Variants in ABCA4 observed in about 807,000 individuals in gnomAD.
ABCA4 encodes the protein retinal-specific phospholipid-transporting ATPase ABCA4.
In ABCA4, 196 loss-of-function variants were observed where a neutral mutation model predicts 263.7. That is an observed-to-expected ratio of 0.74 (90% CI 0.66 to 0.84). ABCA4 has a LOEUF of 0.84. Among genes scored for constraint, ABCA4 ranks in the 40% least tolerant of loss-of-function variants. ABCA4 has a pLI of 0.00. For missense variants in ABCA4, 2,792 were observed against 2,855.1 expected, an observed-to-expected ratio of 0.98 and a Z score of 0.50; for synonymous variants, 1,133 against 1,094.2, an observed-to-expected ratio of 1.04 and a Z score of -0.70.
intron 19 of ABCA4, chr1:94,045,985 C>A (rs1460581215): frequency 2.6e-5 from 12 of 455,636 alleles, no homozygotes; most frequent in Non-Finnish European, 4.0e-5. Flanking sequence ...CCGCGCAGAG[C>A]CCCTTTGCCT....
At chr1:94,031,404 G>A (rs1660198461) in intron 27 of ABCA4, among the ~76,000 whole-genome samples, 1 of 152,140 alleles carries the variant, frequency 6.6e-6, no homozygotes, top group African/African-American at 2.4e-5. Flanking sequence ...GTGACTCACT[G>A]TTCTTTAAAC....
At chr1:94,031,732 G>C in intron 27 of ABCA4, 46 bp downstream of exon 27, 1 of 1,611,332 alleles carries the variant, frequency 6.2e-7, no homozygotes, top group Non-Finnish European at 8.5e-7. Context: ...GGGAAGGCTG[G>C]GAGAGGAGCC....
At chr1:94,059,867 T>G (rs1253199145) in intron 14 of ABCA4, among the ~76,000 whole-genome samples, 2 of 152,194 alleles carry the variant, frequency 1.3e-5, no homozygotes, top group African/African-American at 4.8e-5. Context: ...AAATAATGTT[T>G]CATTTCCAAG....
Position 94,021,900 on chromosome 1 carries a change from C to T in ABCA4, c.4719G>A (p.Gly1573=). ...GGKLPVVPIT[G]EALVGFLSDL... ...CGCTTAAAAACCCAACAAGTGCTTCCCCCGTGATGGGGACGACTGGGAGCT... is the reference window on the plus strand; with the variant it reads ...CGCTTAAAAACCCAACAAGTGCTTCTCCCGTGATGGGGACGACTGGGAGCT... The change falls in exon 33 of 50, where the codon GGG becomes GGA. Residue 1573 remains glycine, a synonymous_variant. Transcript: ENST00000370225. 1 of 1,614,190 alleles carries T rather than the reference C, an allele frequency of 6.2e-7. No homozygotes were observed. Among genetic ancestry groups the T allele is most frequent in the Non-Finnish European group, 8.5e-7 (1 of 1,180,040 alleles).
rs1385693763 is a variant in ABCA4 at position 94,041,394 on chromosome 1, T to C, written c.3337A>G (p.Ile1113Val). 1 of 1,613,560 alleles carries C rather than the reference T, an allele frequency of 6.2e-7. No homozygotes were observed. Among genetic ancestry groups the C allele is most frequent in the Non-Finnish European group, 8.5e-7 (1 of 1,180,010 alleles). The stretch of plus-strand genomic sequence containing the variant: ...TCCATGTGGTGAGTGGACATGATGA[T>C]GGTTCTGCCTGCAAGGTAGGGGCCA... ...LLLKYRSGRT[I>V]IMSTHHMDEA... Residue 1113 changes from isoleucine to valine, a missense_variant, in exon 23 of 50, where the codon ATC becomes GTC. By Grantham distance (29) the Ile-to-Val change is conservative (BLOSUM62 3). Transcript: ENST00000370225.
At chr1:94,028,802 C>CG (rs900452281) in intron 30 of ABCA4, among the ~76,000 whole-genome samples, 15 of 140,920 alleles carry the variant, frequency 1.1e-4, no homozygotes, top group East Asian at 2.3e-4. Context: ...CCCCACTACT[C>CG]GGGGGGGCTG....
intron 48 of ABCA4, among the ~76,000 whole-genome samples, chr1:93,996,839 C>T (rs1046405171): frequency 3.9e-5 from 6 of 152,148 alleles, no homozygotes; most frequent in African/African-American, 1.4e-4. Context: ...TGATACAACA[C>T]GGATGAACCT....
At chr1:94,037,645 C>T (rs1660380345) in intron 24 of ABCA4, among the ~76,000 whole-genome samples, 1 of 152,140 alleles carries the variant, frequency 6.6e-6, no homozygotes, top group Non-Finnish European at 1.5e-5. Flanking sequence ...TGTGCCAGTT[C>T]CTCCTCTGTT....
rs116501527 is a variant in ABCA4, at chr1:94,019,348, G to A, written c.5196+234C>T. 3.5e-3 allele frequency: 1,866 copies of A among 531,578 alleles called. 33 individuals are homozygous for A. Among genetic ancestry groups the A allele is most frequent in the African/African-American group, 0.031 (1,632 of 52,464 alleles). The allele number at this position is 531,578 out of a possible 1,614,324, so 32.9% of individuals were successfully genotyped here. A position where few individuals can be genotyped will look rare whatever the true frequency, so the allele number is the denominator to read the frequency against. ...TCAGTGCAGGACATAGAGAGCCCCC[G>A]TTCACCAGTTGTTAAGCTGCACCCC... On this transcript the variant is annotated intron_variant, in intron 36 of 49. Transcript: ENST00000370225.
intron 1 of ABCA4, among the ~76,000 whole-genome samples, chr1:94,115,881 A>G (rs950836025): frequency 5.3e-5 from 8 of 152,132 alleles, no homozygotes; most frequent in African/African-American, 1.2e-4. Context: ...CCAGTTGCCA[A>G]CTTGGAACCA....
At chr1:94,113,141 C>T in intron 1 of ABCA4, 75 bp from the exon 2 acceptor site, 1 of 1,348,944 alleles carries the variant, frequency 7.4e-7, no homozygotes, top group African/African-American at 1.4e-5. Context: ...AGAGCAGACA[C>T]AGCCCTCCTC....
chr1:94,044,604 G>A lies in ABCA4; in HGVS notation c.3050+9C>T, dbSNP rs1660618757. Reference sequence around the variant, plus strand: ...GGGATGGGGCGGTCTCAGTTCCTGTGTCGCTTACTGGTGGAACAGGATGTT... The same window carrying A: ...GGGATGGGGCGGTCTCAGTTCCTGTATCGCTTACTGGTGGAACAGGATGTT... On this transcript the variant is annotated intron_variant, in intron 20 of 49. Coordinates refer to ENST00000370225, the MANE Select transcript of ABCA4 (RefSeq NM_000350.3). 8.1e-6 allele frequency: 13 copies of A among 1,614,184 alleles called. No homozygotes were observed. The highest frequency in any genetic ancestry group is 1.1e-5 in the Non-Finnish European group (13 of 1,180,016).
At chr1:94,074,313 T>C (rs1041480240) in intron 11 of ABCA4, among the ~76,000 whole-genome samples, 5 of 152,230 alleles carry the variant, frequency 3.3e-5, no homozygotes, top group African/African-American at 1.2e-4. Flanking sequence ...GCTAGCCATA[T>C]GTAGAAAACT....
chr1:94,117,323 C>A (rs1662818278), intron 1 of ABCA4, among the ~76,000 whole-genome samples: 1 of 152,100 alleles, frequency 6.6e-6, no homozygotes, highest in Non-Finnish European at 1.5e-5. Flanking sequence ...TGACCCGGAG[C>A]CTGGGTACAC....
Position 94,099,047 on chromosome 1 carries a change from G to A in ABCA4, c.571-56C>T, listed in dbSNP as rs960396821. 2.3e-5 allele frequency: 36 copies of A among 1,545,664 alleles called. No homozygotes were observed. In the East Asian group the frequency reaches 5.6e-4, roughly 24 times the overall value. Reference sequence around the variant, plus strand: ...GCCCTGTGGTAGGAAAGACACCCACGTCCTAACCCACAGAACCTGGGAATA... The same window carrying A: ...GCCCTGTGGTAGGAAAGACACCCACATCCTAACCCACAGAACCTGGGAATA... On this transcript the variant is annotated intron_variant, in intron 5 of 49. Transcript: ENST00000370225.
chr1:94,071,907 C>T (rs374357999), intron 11 of ABCA4, among the ~76,000 whole-genome samples: 25 of 152,142 alleles, frequency 1.6e-4, no homozygotes, highest in African/African-American at 6.0e-4. Flanking sequence ...CTCACGATCC[C>T]CTGATTTCTC....
intron 11 of ABCA4, among the ~76,000 whole-genome samples, chr1:94,077,160 G>A (rs1321421878): frequency 2.6e-5 from 4 of 152,234 alleles, no homozygotes; most frequent in Non-Finnish European, 5.9e-5. Flanking sequence ...GGTGAAGAAG[G>A]AAAATTAGGG....
chr1:94,095,518 G>T (rs1457460306), intron 6 of ABCA4, among the ~76,000 whole-genome samples: 3 of 152,194 alleles, frequency 2.0e-5, no homozygotes, highest in Non-Finnish European at 2.9e-5. Context: ...CCGCACTGCA[G>T]CTAAGCATGG....
chr1:94,013,017 C>T (rs567370), intron 38 of ABCA4, among the ~76,000 whole-genome samples: 87,395 of 150,716 alleles, frequency 0.58, 27,921 homozygotes, highest in South Asian at 0.76. Flanking sequence ...TTTTTGAAGG[C>T]GGGTGCTTAG....
Sources: gnomAD v4.1 joint callset for allele counts (sites outside exome capture counted in the v4.1 genomes callset) on GRCh38, gnomAD v4.1.1 for gene constraint, MANE v1.5 for transcripts, NCBI Gene and HGNC (gene_info 2026-07-23, HGNC 2026-07-21) for gene names.